The following TSHZ3 variants were observed in gnomAD, a reference collection of about 807,000 sequenced individuals.
The protein encoded by TSHZ3 is teashirt homolog 3.
In TSHZ3, 10 loss-of-function variants were observed where a neutral mutation model predicts 64.5. That is an observed-to-expected ratio of 0.16 (90% CI 0.10 to 0.26). The LOEUF is 0.26. TSHZ3 is among the 10% of genes least tolerant of loss of function. The pLI, the probability that TSHZ3 is intolerant of heterozygous loss-of-function variation, is 1.00. For synonymous variants in TSHZ3, 608 were observed against 593.1 expected (o/e 1.03, Z -0.36); for missense variants, 1,242 against 1,421.7 (o/e 0.87, Z 2.03).
chr19:31,180,771 T>C (rs1054057055), intron 5 of TSHZ3, among the ~76,000 whole-genome samples: 5 of 152,226 alleles, frequency 3.3e-5, no homozygotes, highest in Non-Finnish European at 5.9e-5. Context: ...TCTGTTGCTT[T>C]TATGATAACC....
intron 1 of TSHZ3, among the ~76,000 whole-genome samples, chr19:31,296,511 T>C (rs1339082115): frequency 1.3e-5 from 2 of 151,886 alleles, no homozygotes; most frequent in Non-Finnish European, 2.9e-5. Flanking sequence ...ATTTTTTGTA[T>C]TTTTAGTAGA....
In TSHZ3 at chr19:31,247,142, C is replaced by T. The variant is rs537117255; in HGVS notation, n.64-4267G>A. On this transcript the variant is annotated intron_variant and non_coding_transcript_variant, in intron 1 of 6. Transcript: ENST00000651361. ...CCTCTTGGCAACTATCATCATCATC[C>T]TTGAATCAAACAAGAATCGTCAACG... Among the ~76,000 whole-genome samples, 109 of 152,254 alleles carry T rather than the reference C, an allele frequency of 7.2e-4. No homozygotes were observed. In the Middle Eastern group the frequency reaches 0.01, roughly 14 times the overall value.
chr19:31,188,063 T>A (rs1974841285), intron 5 of TSHZ3, among the ~76,000 whole-genome samples: 1 of 152,002 alleles, frequency 6.6e-6, no homozygotes, highest in Non-Finnish European at 1.5e-5. Flanking sequence ...CTTCATTTAT[T>A]TAGGTCTTCT....
downstream of TSHZ3, among the ~76,000 whole-genome samples, chr19:31,274,044 C>A (rs976549937): frequency 6.6e-6 from 1 of 152,072 alleles, no homozygotes; most frequent in Non-Finnish European, 1.5e-5. Context: ...ATTTGGACTC[C>A]TCTTGAGAAA....
chr19:31,284,533 G>T (rs1352744553), intron 1 of TSHZ3, among the ~76,000 whole-genome samples: 1 of 152,056 alleles, frequency 6.6e-6, no homozygotes, highest in East Asian at 1.9e-4. Flanking sequence ...TTCCCCTCCA[G>T]CCCCTCTCAG....
At chr19:31,155,816 T>C (rs1196979642) in intron 6 of TSHZ3, among the ~76,000 whole-genome samples, 1 of 152,170 alleles carries the variant, frequency 6.6e-6, no homozygotes, top group Non-Finnish European at 1.5e-5. Flanking sequence ...CTCTAACTTG[T>C]TTTCCAGGAC....
At chr19:31,332,747 A>G (rs1300127629) in intron 1 of TSHZ3, among the ~76,000 whole-genome samples, 4 of 152,126 alleles carry the variant, frequency 2.6e-5, no homozygotes, top group Non-Finnish European at 4.4e-5. Flanking sequence ...CAGGCCTGCA[A>G]TTACAGTGGC....
chr19:31,213,316 C>G (rs1428920054), intron 4 of TSHZ3, among the ~76,000 whole-genome samples: 2 of 124,762 alleles, frequency 1.6e-5, no homozygotes, highest in Non-Finnish European at 3.2e-5. Flanking sequence ...AATATCACAC[C>G]ACTGCACTCC....
chr19:31,236,347 TGA>T (rs1975614652), intron 3 of TSHZ3, among the ~76,000 whole-genome samples: 1 of 152,188 alleles, frequency 6.6e-6, no homozygotes, highest in Non-Finnish European at 1.5e-5. Context: ...AAGTGTCAGG[TGA>T]TATCTCATTG....
upstream of TSHZ3, among the ~76,000 whole-genome samples, chr19:31,349,866 G>A (rs1219879550): frequency 6.8e-6 from 1 of 147,806 alleles, no homozygotes; most frequent in Non-Finnish European, 1.5e-5. Context: ...AGGAAAAGGA[G>A]ATGATCGTGT....
Position 31,279,358 on chromosome 19 carries a change from C to G in TSHZ3, c.435G>C (p.Lys145Asn), listed in dbSNP as rs1030432907. The G allele has an allele frequency of 1.2e-6, 2 of 1,614,018 alleles. No homozygotes were observed. Among genetic ancestry groups the G allele is most frequent in the African/African-American group, 2.7e-5 (2 of 74,928 alleles). Residue 145 changes from lysine (K) to asparagine (N), a missense_variant, in exon 2 of 2, where the codon AAG (lysine) becomes AAC (asparagine). By Grantham distance (94) the Lys-to-Asn change is moderately conservative. Transcript: ENST00000240587. The surrounding 1 kb of genome is among the most constrained non-coding windows in gnomAD (Gnocchi z 6.4). ...NLNLHQPSSE[K>N]NNGSSSSSSS... ...TGCTGCTGCTGCTGCTGCCGTTGTT[C>G]TTCTCCGAGGAGGGCTGGTGCAGGT...
At chr19:31,258,232 G>C (rs1235771358) in intron 1 of TSHZ3, among the ~76,000 whole-genome samples, 1 of 152,174 alleles carries the variant, frequency 6.6e-6, no homozygotes, top group African/African-American at 2.4e-5. Context: ...AAGGGTATAA[G>C]CTCCCTGGCT....
downstream of TSHZ3, among the ~76,000 whole-genome samples, chr19:31,272,886 C>G (rs1976163039): frequency 6.6e-6 from 1 of 152,188 alleles, no homozygotes. Context: ...ACCTCCCTCC[C>G]TTGGCAACAT....
chr19:31,308,710 C>A (rs747437803), intron 1 of TSHZ3: 17 of 398,592 alleles, frequency 4.3e-5, no homozygotes, highest in African/African-American at 3.5e-4. Flanking sequence ...ATGCTCTTGT[C>A]TGGAAAGAGA....
intron 1 of TSHZ3, among the ~76,000 whole-genome samples, chr19:31,248,212 G>T (rs762165393): frequency 6.6e-5 from 10 of 152,162 alleles, no homozygotes; most frequent in Non-Finnish European, 1.2e-4. Context: ...ATTCATATGA[G>T]ATTGGGTGGG....
chr19:31,203,630 C>T (rs1449509900), intron 5 of TSHZ3, among the ~76,000 whole-genome samples: 1 of 152,012 alleles, frequency 6.6e-6, no homozygotes, highest in Admixed American at 6.6e-5. Context: ...ACCACACAGA[C>T]CCAGTGAAGA....
At chr19:31,199,512 A>G (rs1261822930) in intron 5 of TSHZ3, among the ~76,000 whole-genome samples, 1 of 151,450 alleles carries the variant, frequency 6.6e-6, no homozygotes. Flanking sequence ...TGATGCCAAG[A>G]CAACAGAACA....
chr19:31,248,159 C>A (rs1373274315), intron 1 of TSHZ3, among the ~76,000 whole-genome samples: 3 of 152,090 alleles, frequency 2.0e-5, no homozygotes. Context: ...ACTTATCTCC[C>A]ACTGGGTCCT....
intron 1 of TSHZ3, among the ~76,000 whole-genome samples, chr19:31,245,839 C>G (rs910463555): frequency 6.6e-6 from 1 of 152,138 alleles, no homozygotes; most frequent in Non-Finnish European, 1.5e-5. Flanking sequence ...TAGTGTGGCC[C>G]CCAGTGCAGC....
Sources: gnomAD v4.1 joint callset for allele counts (sites outside exome capture counted in the v4.1 genomes callset) on GRCh38, gnomAD v4.1.1 for gene constraint, Gnocchi (gnomAD v3.1) non-coding constraint, MANE v1.5 for transcripts, NCBI Gene and HGNC (gene_info 2026-07-23, HGNC 2026-07-21) for gene names.